The following BRMS1L variants were observed in gnomAD, a reference collection of about 807,000 sequenced individuals.
The protein encoded by BRMS1L is BRMS1 like transcriptional repressor.
Under a neutral mutation model 50.3 loss-of-function variants are expected in BRMS1L, and 23 were observed. The ratio of observed to expected loss-of-function variants is 0.46; its 90% confidence interval spans 0.33 to 0.65. The LOEUF is 0.65. Ranked by LOEUF, BRMS1L falls within the 30% of genes least tolerant of loss-of-function variation. The pLI is 0.02. For missense variants in BRMS1L, 286 were observed against 386.1 expected, an observed-to-expected ratio of 0.74 and a Z score of 2.17; for synonymous variants, 114 against 126.9, an observed-to-expected ratio of 0.90 and a Z score of 0.69.
chr14:35,827,410 A>T (rs1317716353), intron 1 of BRMS1L, among the ~76,000 whole-genome samples: 2 of 152,204 alleles, frequency 1.3e-5, no homozygotes, highest in Non-Finnish European at 2.9e-5. Context: ...GGAATTTGTG[A>T]TTACCGGGAT....
At position 35,863,923 on chromosome 14, in the gene BRMS1L, C is replaced by A. The variant is rs768192131; in HGVS notation, c.592C>A (p.Pro198Thr). 1.9e-6 allele frequency: 3 copies of A among 1,613,972 alleles called. No homozygotes were observed. The highest frequency in any genetic ancestry group is 1.1e-5 in the South Asian group (1 of 91,064). The part of the protein sequence containing the change: ...SRKKRKDPFS[P>T]DKKKPVVVSG... ...AAAAAAGAGGAAGGATCCTTTCAGT[C>A]CTGACAAAAAGAAGCCAGTTGTTGT... The change falls in exon 6 of 10, where the codon CCT becomes ACT. Residue 198 changes from proline to threonine, a missense_variant. Around this residue, in one of 5 missense-constraint regions of BRMS1L, gnomAD observed 160 missense variants for 240.6 expected, o/e 0.66. Transcript: ENST00000216807.
chr14:35,830,714 A>T (rs941027704), intron 1 of BRMS1L, among the ~76,000 whole-genome samples: 5 of 152,202 alleles, frequency 3.3e-5, no homozygotes, highest in African/African-American at 9.7e-5. Context: ...CTGAAAGAAG[A>T]ATCCCAAAAA....
chr14:35,864,134 G>C (rs1422266670), intron 6 of BRMS1L, among the ~76,000 whole-genome samples, 181 bp downstream of exon 6: 1 of 152,228 alleles, frequency 6.6e-6, no homozygotes, highest in Non-Finnish European at 1.5e-5. Flanking sequence ...TAGGTCAGGA[G>C]AGGTGGCAGA....
intron 2 of BRMS1L, among the ~76,000 whole-genome samples, chr14:35,832,621 G>T (rs1239545364): frequency 6.6e-6 from 1 of 152,092 alleles, no homozygotes; most frequent in East Asian, 1.9e-4. Flanking sequence ...TATTCAAAAT[G>T]ATTTCTTTGT....
In BRMS1L at chr14:35,826,540, T is replaced by C. The variant is rs1567296178; in HGVS notation, c.24T>C (p.Asp8=). 2 of 1,597,884 alleles carry C rather than the reference T, an allele frequency of 1.3e-6. No homozygotes were observed. The highest frequency in any genetic ancestry group is 1.7e-6 in the Non-Finnish European group (2 of 1,173,244). MPVHSRG[D]KKETNHHDEM... ...AAATGCCAGTCCATTCCCGAGGGGA[T>C]AAGAAGGAGACCAACCATCACGATG... Residue 8 remains aspartate (D), a synonymous_variant, in exon 1 of 10, where the codon GAT becomes GAC. Transcript: ENST00000216807.
At chr14:35,847,949 A>C (rs2078158787) in intron 4 of BRMS1L, among the ~76,000 whole-genome samples, 1 of 152,090 alleles carries the variant, frequency 6.6e-6, no homozygotes, top group Admixed American at 6.6e-5. Flanking sequence ...TTCCCCATTC[A>C]TCTGTCTGTG....
intron 5 of BRMS1L, 68 bp downstream of exon 5, chr14:35,862,754 C>A: frequency 2.1e-6 from 2 of 973,826 alleles, no homozygotes; most frequent in Non-Finnish European, 3.1e-6. Context: ...AGTGTCATAT[C>A]GTATCTCAGT....
chr14:35,834,830 G>T lies in BRMS1L; in HGVS notation c.362-14G>T. The T allele has an allele frequency of 6.6e-7, 1 of 1,520,722 alleles. No individual in the cohort carries two copies. Among genetic ancestry groups the T allele is most frequent in the Non-Finnish European group, 8.9e-7 (1 of 1,129,258 alleles). The allele number at this position is 1,520,722 out of a possible 1,614,324, so 94.2% of individuals were successfully genotyped here. A position where few individuals can be genotyped will look rare whatever the true frequency, so the allele number is the denominator to read the frequency against. The stretch of plus-strand genomic sequence containing the variant: ...CATTGCTAACATAATCAGAGTAATT[G>T]TGTTTGGTTGCAGGAATCTATAGAG... On this transcript the variant is annotated splice_polypyrimidine_tract_variant and intron_variant, in intron 3 of 9. Transcript: ENST00000216807.
chr14:35,859,157 T>G (rs1208542075), intron 4 of BRMS1L, among the ~76,000 whole-genome samples: 2 of 152,134 alleles, frequency 1.3e-5, no homozygotes, highest in African/African-American at 4.8e-5. Context: ...TTGGCCAGGC[T>G]GGTCTTGAAC....
intron 1 of BRMS1L, among the ~76,000 whole-genome samples, chr14:35,827,491 A>G (rs758058641): frequency 5.3e-5 from 8 of 152,228 alleles, no homozygotes; most frequent in Non-Finnish European, 8.8e-5. Flanking sequence ...GGTCATGTAA[A>G]GGAAGCATTG....
chr14:35,833,395 A>G (rs1219427098), intron 3 of BRMS1L, among the ~76,000 whole-genome samples: 1 of 152,008 alleles, frequency 6.6e-6, no homozygotes, highest in East Asian at 1.9e-4. Context: ...TACTTTCATT[A>G]AGAGAGACTG....
intron 4 of BRMS1L, among the ~76,000 whole-genome samples, chr14:35,853,215 G>C (rs923838544): frequency 3.9e-5 from 6 of 151,972 alleles, no homozygotes; most frequent in African/African-American, 1.5e-4. Context: ...GCATTTGTCT[G>C]ATACAATTTT....
intron 4 of BRMS1L, among the ~76,000 whole-genome samples, chr14:35,856,221 C>CGG (rs1396501334): frequency 6.6e-6 from 1 of 152,128 alleles, no homozygotes; most frequent in African/African-American, 2.4e-5. Flanking sequence ...ACCACAGGGG[C>CGG]AAGAGGCAGC....
intron 4 of BRMS1L, among the ~76,000 whole-genome samples, chr14:35,837,802 G>T (rs913503181): frequency 6.6e-6 from 1 of 152,140 alleles, no homozygotes; most frequent in Non-Finnish European, 1.5e-5. Context: ...TGATCCGCCT[G>T]CCTTGACCTA....
chr14:35,834,928 T>C lies in BRMS1L; in HGVS notation c.441+5T>C. 6.3e-7 allele frequency: 1 copy of C among 1,580,110 alleles called. No homozygotes were observed. Among genetic ancestry groups the C allele is most frequent in the Non-Finnish European group, 8.6e-7 (1 of 1,163,992 alleles). On this transcript the variant is annotated splice_donor_5th_base_variant and intron_variant, in intron 4 of 9. Coordinates refer to ENST00000216807, the MANE Select transcript of BRMS1L (RefSeq NM_032352.4). ...GCTTCTCGCCAGCATTGTGAGGTACTGTCATTTTGCATAACTTTTAAGCTA... is the reference window on the plus strand; with the variant it reads ...GCTTCTCGCCAGCATTGTGAGGTACCGTCATTTTGCATAACTTTTAAGCTA...
chr14:35,831,937 A>C (rs1329784171), intron 2 of BRMS1L, among the ~76,000 whole-genome samples: 4 of 151,524 alleles, frequency 2.6e-5, no homozygotes, highest in Non-Finnish European at 4.4e-5. Context: ...AAAAAAAATT[A>C]GTTCTGTCCT....
At chr14:35,834,677 T>TTTTAAGATATATATA (rs1172091238) in intron 3 of BRMS1L, among the ~76,000 whole-genome samples, 167 bp from the exon 4 acceptor site, 1 of 152,194 alleles carries the variant, frequency 6.6e-6, no homozygotes, top group Non-Finnish European at 1.5e-5. Context: ...TGGATATATA[T>TTTTAAGATATATATA]TTTAAGTGAG....
At chr14:35,839,051 G>T (rs1323097485) in intron 4 of BRMS1L, among the ~76,000 whole-genome samples, 1 of 152,122 alleles carries the variant, frequency 6.6e-6, no homozygotes. Flanking sequence ...TTTTGTATAA[G>T]GTATAAGGAA....
chr14:35,826,783 T>TGGCTCTG, intron 1 of BRMS1L, 125 bp downstream of exon 1: 1 of 1,372,878 alleles, frequency 7.3e-7, no homozygotes. Flanking sequence ...GGGCGGAGAC[T>TGGCTCTG]GGCTCTGGGC....
Sources: allele counts gnomAD v4.1 joint callset (sites outside exome capture counted in the v4.1 genomes callset), GRCh38; gene constraint gnomAD v4.1.1; regional missense constraint gnomAD v4.1.1; transcripts MANE v1.5; gene names NCBI Gene and HGNC (gene_info 2026-07-23, HGNC 2026-07-21).